CCDC178: variants seen among roughly 807,000 people sequenced by gnomAD.
CCDC178 encodes the protein coiled-coil domain-containing protein 178.
In CCDC178, 126 loss-of-function variants were observed where a neutral mutation model predicts 117.4. The observed-to-expected ratio is 1.07, with a 90% CI of 0.93 to 1.24. The LOEUF is 1.24. Among genes scored for constraint, CCDC178 ranks in the 50% most tolerant of loss-of-function variants. The probability of loss-of-function intolerance (pLI) is 0.00; values close to 1 mark genes in which losing one functional copy is unlikely to be tolerated. For missense variants in CCDC178, 1,030 were observed against 986.9 expected (o/e 1.04, Z -0.59); for synonymous variants, 283 against 313.4 (o/e 0.90, Z 1.02).
rs191382246 is a variant in CCDC178, at chr18:33,241,661, C to T, written c.1593+3584G>A. Among the ~76,000 whole-genome samples, 207 of 150,596 alleles carry T rather than the reference C, an allele frequency of 1.4e-3. 1 individual carries two copies. The highest frequency in any genetic ancestry group is 4.3e-3 in the African/African-American group (178 of 41,046). On this transcript the variant is annotated intron_variant, in intron 15 of 22. Transcript: ENST00000383096. ...AATACTTAAGAATGAATTTAACTAACGAGGTGAAATATTTTTACAAGGAAA... is the reference window on the plus strand; with the variant it reads ...AATACTTAAGAATGAATTTAACTAATGAGGTGAAATATTTTTACAAGGAAA...
At chr18:33,332,642 C>A (rs1366711111) in intron 10 of CCDC178, among the ~76,000 whole-genome samples, 2 of 152,112 alleles carry the variant, frequency 1.3e-5, no homozygotes, top group East Asian at 3.9e-4. Context: ...GTGGCACAGT[C>A]ATGGATCACT....
At chr18:32,981,883 AT>A (rs1206238791) in intron 21 of CCDC178, among the ~76,000 whole-genome samples, 1 of 152,190 alleles carries the variant, frequency 6.6e-6, no homozygotes, top group African/African-American at 2.4e-5. Context: ...TTCATAACTT[AT>A]TTCATATGAA....
intron 20 of CCDC178, among the ~76,000 whole-genome samples, chr18:33,129,204 A>G (rs150527600): frequency 2.6e-5 from 4 of 152,294 alleles, no homozygotes; most frequent in African/African-American, 7.2e-5. Context: ...CTGCTCATTT[A>G]ATTCAAACAG....
intron 14 of CCDC178, among the ~76,000 whole-genome samples, chr18:33,259,211 G>A (rs1293134134): frequency 6.6e-6 from 1 of 152,176 alleles, no homozygotes; most frequent in Admixed American, 6.5e-5. Flanking sequence ...CAGGGTAAAG[G>A]AAACCACAGA....
chr18:33,251,348 A>G (rs554455126), intron 14 of CCDC178, among the ~76,000 whole-genome samples: 26 of 151,864 alleles, frequency 1.7e-4, no homozygotes, highest in South Asian at 1.2e-3. Flanking sequence ...GAGGATGATT[A>G]GTTTAAATTG....
At chr18:33,248,952 C>G (rs987959780) in intron 14 of CCDC178, among the ~76,000 whole-genome samples, 1 of 151,950 alleles carries the variant, frequency 6.6e-6, no homozygotes, top group Admixed American at 6.6e-5. Context: ...TTTTAATGAT[C>G]GCCATTCTAA....
At chr18:33,077,578 T>A (rs1033255128) in intron 21 of CCDC178, among the ~76,000 whole-genome samples, 4 of 151,936 alleles carry the variant, frequency 2.6e-5, no homozygotes, top group African/African-American at 9.7e-5. Context: ...ATAAACACAA[T>A]TAGAAATGAC....
At chr18:33,197,018 A>G (rs1370328272) in intron 20 of CCDC178, among the ~76,000 whole-genome samples, 2 of 151,938 alleles carry the variant, frequency 1.3e-5, no homozygotes, top group African/African-American at 4.8e-5. Flanking sequence ...GATTTATCTT[A>G]ATTTTTTCAT....
chr18:33,389,580 G>T lies in CCDC178; in HGVS notation c.168C>A (p.Asn56Lys). 1 of 1,526,866 alleles carries T rather than the reference G, an allele frequency of 6.5e-7. No individual in the cohort carries two copies. The highest frequency in any genetic ancestry group is 8.8e-7 in the Non-Finnish European group (1 of 1,138,732). The allele number at this position is 1,526,866 out of a possible 1,614,324, so 94.6% of individuals were successfully genotyped here. A position where few individuals can be genotyped will look rare whatever the true frequency, so the allele number is the denominator to read the frequency against. ...SLVLYGASKE[N>K]SEGFHESKMT... ...TTTTACTTTCATGAAAACCTTCACT[G>T]TTCTCCTTAGAGGCTCCATATAGAA... is the stretch of plus-strand genomic sequence containing the variant. Residue 56 changes from asparagine (N) to lysine (K), a missense_variant, in exon 5 of 23, where the codon AAC becomes AAA. Physicochemically the swap from Asn to Lys is moderately conservative, Grantham distance 94. Coordinates refer to ENST00000383096, the MANE Select transcript of CCDC178 (RefSeq NM_001105528.4).
At chr18:33,050,242 A>G (rs1241797151) in intron 21 of CCDC178, among the ~76,000 whole-genome samples, 2 of 152,082 alleles carry the variant, frequency 1.3e-5, no homozygotes, top group African/African-American at 4.8e-5. Flanking sequence ...AGATGGGTTC[A>G]TTTTCTTATA....
intron 20 of CCDC178, among the ~76,000 whole-genome samples, chr18:33,141,108 G>A (rs892704829): frequency 2.0e-5 from 3 of 152,166 alleles, no homozygotes; most frequent in African/African-American, 4.8e-5. Context: ...CCCCAGCCAC[G>A]TGGAACTGTA....
chr18:32,960,570 C>T (rs140363799), intron 22 of CCDC178, among the ~76,000 whole-genome samples: 29 of 152,184 alleles, frequency 1.9e-4, no homozygotes, highest in South Asian at 1.7e-3. Context: ...AGGTTCTATA[C>T]GCTAAATGCT....
intron 20 of CCDC178, among the ~76,000 whole-genome samples, chr18:33,162,637 T>G (rs748267431): frequency 6.6e-6 from 1 of 152,182 alleles, no homozygotes; most frequent in Admixed American, 6.6e-5. Context: ...TTTGTGTCCA[T>G]GAGTTATCAC....
chr18:32,950,671 T>C (rs2054462471), intron 22 of CCDC178, among the ~76,000 whole-genome samples: 1 of 152,136 alleles, frequency 6.6e-6, no homozygotes, highest in Non-Finnish European at 1.5e-5. Flanking sequence ...GTGAGTTCCT[T>C]ACAACTTCAG....
intron 21 of CCDC178, among the ~76,000 whole-genome samples, chr18:32,975,236 A>G (rs1037176968): frequency 1.3e-5 from 2 of 152,200 alleles, no homozygotes; most frequent in African/African-American, 4.8e-5. Context: ...GAGAACAATA[A>G]CAAGGAAGAA....
chr18:33,212,137 C>A, intron 19 of CCDC178, 82 bp from the exon 20 acceptor site: 1 of 1,122,278 alleles, frequency 8.9e-7, no homozygotes, highest in South Asian at 1.7e-5. Context: ...TTTAAAAGGA[C>A]CAAAATGAAA....
chr18:33,233,469 T>A (rs890447636), intron 15 of CCDC178, among the ~76,000 whole-genome samples: 2 of 152,118 alleles, frequency 1.3e-5, no homozygotes, highest in Non-Finnish European at 2.9e-5. Flanking sequence ...TCATATTAAG[T>A]ACTCAACAAA....
intron 20 of CCDC178, among the ~76,000 whole-genome samples, chr18:33,130,612 G>A (rs2058058794): frequency 6.6e-6 from 1 of 152,082 alleles, no homozygotes; most frequent in Middle Eastern, 3.4e-3. Flanking sequence ...TGCTGCCCCA[G>A]GGGGCATTCT....
At chr18:33,081,823 T>C (rs2057302800) in intron 21 of CCDC178, among the ~76,000 whole-genome samples, 1 of 152,220 alleles carries the variant, frequency 6.6e-6, no homozygotes, top group South Asian at 2.1e-4. Flanking sequence ...ATTGCCTGTG[T>C]GTGTTTTATT....
Sources: allele counts gnomAD v4.1 joint callset (sites outside exome capture counted in the v4.1 genomes callset), GRCh38; gene constraint gnomAD v4.1.1; transcripts MANE v1.5; gene names NCBI Gene and HGNC (gene_info 2026-07-23, HGNC 2026-07-21).